The following MAGEB1 variants were observed in gnomAD, a reference collection of about 807,000 sequenced individuals.
MAGEB1 encodes melanoma-associated antigen B1.
For synonymous variants in MAGEB1, 99 were observed against 105.7 expected, an observed-to-expected ratio of 0.94 and a Z score of 0.39; for missense variants, 290 against 286.7, an observed-to-expected ratio of 1.01 and a Z score of -0.08.
chrX:30,250,295 C>T, intron 1 of MAGEB1, 139 bp from the exon 2 acceptor site: 1 of 415,860 alleles, frequency 2.4e-6, no homozygotes, highest in Non-Finnish European at 4.2e-6. Context: ...CCAGTCAGCC[C>T]CAGGCAGGGT....
At position 30,251,472 on chromosome X, in the gene MAGEB1, A is replaced by G. The variant is rs770925707; in HGVS notation, c.979A>G (p.Thr327Ala). 8.3e-7 allele frequency: 1 copy of G among 1,210,217 alleles called. No homozygotes were observed. The highest frequency in any genetic ancestry group is 1.7e-5 in the African/African-American group (1 of 57,177). Residue 327 changes from threonine (T) to alanine (A), a missense_variant, in exon 2 of 2, where the codon ACT becomes GCT. Coordinates refer to ENST00000397548, the MANE Select transcript of MAGEB1 (RefSeq NM_177404.3). ...VRSSVRARRR[T>A]TATTFRARSR... ...ATCCAGTGTTAGAGCCAGGCGTCGCACTACTGCCACGACTTTTAGAGCGCG... is the reference window on the plus strand; with the variant it reads ...ATCCAGTGTTAGAGCCAGGCGTCGCGCTACTGCCACGACTTTTAGAGCGCG...
chrX:30,250,107 G>T (rs1279522183), intron 1 of MAGEB1, among the ~76,000 whole-genome samples: 1 of 111,838 alleles, frequency 8.9e-6, no homozygotes, highest in East Asian at 2.8e-4. Context: ...AGGATGGTAG[G>T]TTGAAGCAGT....
At chrX:30,250,090 C>G (rs768496732) in intron 1 of MAGEB1, among the ~76,000 whole-genome samples, 1 of 111,643 alleles carries the variant, frequency 9.0e-6, no homozygotes, top group South Asian at 3.9e-4. Flanking sequence ...CCGCCCAGCC[C>G]CCGGTAAGGA....
At chrX:30,245,442 T>C (rs1258250831), upstream of MAGEB1, among the ~76,000 whole-genome samples, 1 of 112,090 alleles carries the variant, frequency 8.9e-6, no homozygotes, top group East Asian at 2.8e-4. Context: ...TTCACAGATG[T>C]AGAGCCTGAG....
Position 30,251,405 on chromosome X carries a change from T to A in MAGEB1, c.912T>A (p.Tyr304Ter), listed in dbSNP as rs952291857. 1.3e-5 allele frequency: 16 copies of A among 1,209,906 alleles called. No homozygotes were observed. The highest frequency in any genetic ancestry group is 1.8e-5 in the Non-Finnish European group (16 of 895,198). The change falls in exon 2 of 2, where the codon TAT becomes TAA. Residue 304 changes from tyrosine to a stop codon, truncating the protein, a stop_gained. Transcript: ENST00000397548. LOFTEE classifies it low-confidence loss of function (END_TRUNC). Reference sequence around the variant, plus strand: ...CTCCCCGTGACTTCCCATCCCATTATGAAGAGGCTTTGAGAGATGAGGAAG... The same window carrying A: ...CTCCCCGTGACTTCCCATCCCATTAAGAAGAGGCTTTGAGAGATGAGGAAG... ...GATPRDFPSHYEEALRDEEER... is the reference protein window; with the variant it reads ...GATPRDFPSH
chrX:30,247,895 G>C (rs1356074638), intron 1 of MAGEB1, among the ~76,000 whole-genome samples: 4 of 91,440 alleles, frequency 4.4e-5, no homozygotes, highest in Non-Finnish European at 8.3e-5. Flanking sequence ...AGTGAGCCGA[G>C]ATTGCACCAC....
At chrX:30,249,385 G>A (rs962326365) in intron 1 of MAGEB1, among the ~76,000 whole-genome samples, 3 of 111,770 alleles carry the variant, frequency 2.7e-5, no homozygotes, top group Non-Finnish European at 5.6e-5. Context: ...CACCTCATCA[G>A]TGGGGATCCC....
In MAGEB1 at chrX:30,250,971, G is replaced by C. The variant is rs745591739; in HGVS notation, c.478G>C (p.Val160Leu). The C allele has an allele frequency of 5.8e-6, 7 of 1,210,018 alleles. No homozygotes were observed. Among genetic ancestry groups the C allele is most frequent in the Admixed American group, 2.2e-5 (1 of 45,857 alleles). ...LNGASRRLEL[V>L]FGLDLKEDNP... ...TGGAGCCTCTCGCCGCTTGGAGCTC[G>C]TCTTTGGCCTTGATTTGAAGGAAGA... Residue 160 changes from valine to leucine, a missense_variant, in exon 2 of 2, where the codon GTC (valine) becomes CTC (leucine). By Grantham distance (32) the Val-to-Leu change is conservative. Transcript: ENST00000397548.
At position 30,250,450 on chromosome X, in the gene MAGEB1, C is replaced by T; in HGVS notation, c.-44C>T. ...CTCCTTCAGGTGCCACATCTCCTGC[C>T]TTTCTGCTCACTTTCCTGCCTGTTT... On this transcript the variant is annotated 5_prime_UTR_variant, in exon 2 of 2. Coordinates refer to ENST00000397548, the MANE Select transcript of MAGEB1 (RefSeq NM_177404.3). The T allele has an allele frequency of 9.2e-7, 1 of 1,083,539 alleles. No homozygotes were observed. Among genetic ancestry groups the T allele is most frequent in the Non-Finnish European group, 1.2e-6 (1 of 809,472 alleles). The allele number at this position is 1,083,539 out of a possible 1,213,427, so 89.3% of individuals were successfully genotyped here. A position where few individuals can be genotyped will look rare whatever the true frequency, so the allele number is the denominator to read the frequency against.
upstream of MAGEB1, among the ~76,000 whole-genome samples, chrX:30,245,974 G>A (rs181416173): frequency 7.1e-5 from 8 of 112,066 alleles, no homozygotes; most frequent in African/African-American, 2.6e-4. Flanking sequence ...TTCTGGGACA[G>A]GGACCTCTTC....
intron 1 of MAGEB1, among the ~76,000 whole-genome samples, chrX:30,248,267 A>G (rs1925396297): frequency 8.9e-6 from 1 of 111,958 alleles, no homozygotes; most frequent in African/African-American, 3.3e-5. Context: ...TCATAGTCTT[A>G]GAGAGAGGAG....
rs758519496 is a variant in MAGEB1 at position 30,251,522 on chromosome X, C to T, written c.1029C>T (p.Ser343=). The T allele has an allele frequency of 1.3e-4, 155 of 1,202,486 alleles. No individual in the cohort carries two copies. Among genetic ancestry groups the T allele is most frequent in the South Asian group, 2.2e-4 (12 of 55,282 alleles). ...RARSRAPFSR[S]SHPM ...GTTCTAGAGCCCCATTCAGCAGGTC[C>T]TCCCACCCCATGTGAGAACTCAGGC... The change falls in exon 2 of 2, where the codon TCC becomes TCT. Residue 343 remains serine, a synonymous_variant. Coordinates refer to ENST00000397548, the MANE Select transcript of MAGEB1 (RefSeq NM_177404.3).
chrX:30,243,783 C>T (rs1925221797), upstream of MAGEB1: 1 of 124,208 alleles, frequency 8.1e-6, no homozygotes, highest in African/African-American at 3.2e-5. Flanking sequence ...CAGTGTCTCC[C>T]ACTCCTTGTG....
chrX:30,249,194 C>A (rs1925423687), intron 1 of MAGEB1, among the ~76,000 whole-genome samples: 1 of 111,541 alleles, frequency 9.0e-6, no homozygotes. Flanking sequence ...CTAAAGAGAA[C>A]AACGACCCCA....
chrX:30,244,913 C>T (rs1925260365), upstream of MAGEB1, among the ~76,000 whole-genome samples: 1 of 112,003 alleles, frequency 8.9e-6, no homozygotes, highest in African/African-American at 3.3e-5. Context: ...AAAGGTGATA[C>T]TCCTTTAAGA....
Position 30,251,834 on chromosome X carries a change from A to G in MAGEB1, c.*297A>G, listed in dbSNP as rs1601969727. On this transcript the variant is annotated 3_prime_UTR_variant, in exon 2 of 2. Transcript: ENST00000397548. ...TTTTTGGGTTGAAGAAGAAGAAAGC[A>G]TAGCTTTAGAATAGAGATTTTCTCA... is the stretch of plus-strand genomic sequence containing the variant. 1.2e-5 allele frequency: 3 copies of G among 250,594 alleles called. No individual in the cohort carries two copies. In the East Asian group the frequency reaches 2.1e-4, roughly 17 times the overall value. 20.7% of individuals were successfully genotyped at this position (250,594 alleles called of 1,213,427 possible). A position where few individuals can be genotyped will look rare whatever the true frequency, so the allele number is the denominator to read the frequency against.
chrX:30,251,036 A>T lies in MAGEB1; in HGVS notation c.543A>T (p.Leu181=). 2 of 1,211,217 alleles carry T rather than the reference A, an allele frequency of 1.7e-6. No homozygotes were observed. The highest frequency in any genetic ancestry group is 2.2e-6 in the Non-Finnish European group (2 of 895,232). The change falls in exon 2 of 2, where the codon CTA becomes CTT. Residue 181 remains leucine (L), a synonymous_variant. Transcript: ENST00000397548. The part of the protein sequence containing the change: ...SGHTYTLVSK[L]NLTNDGNLSN... ...ACACCTACACCCTCGTCAGTAAGCTAAACCTCACCAATGATGGAAACCTGA... is the reference window on the plus strand; with the variant it reads ...ACACCTACACCCTCGTCAGTAAGCTTAACCTCACCAATGATGGAAACCTGA...
intron 1 of MAGEB1, among the ~76,000 whole-genome samples, chrX:30,248,410 C>CTTACCT (rs1925401169): frequency 1.8e-5 from 2 of 112,387 alleles, no homozygotes; most frequent in East Asian, 2.8e-4. Context: ...GGAACACAGT[C>CTTACCT]TTACCTTGGC....
chrX:30,247,162 T>G lies in MAGEB1; in HGVS notation c.-155T>G, dbSNP rs1381766810. On this transcript the variant is annotated 5_prime_UTR_variant, in exon 1 of 2. Transcript: ENST00000397548. ...ATGTGGCTCATCCTGACTTCCGCTT[T>G]GAAGGCGAGGACCCCAGCGAGCGTA... 39 of 109,491 alleles carry G rather than the reference T, an allele frequency of 3.6e-4. 1 individual carries two copies. The highest frequency in any genetic ancestry group is 1.3e-3 in the African/African-American group (38 of 29,893). The allele number at this position is 109,491 out of a possible 1,213,427, so 9.0% of individuals were successfully genotyped here.
Sources: gnomAD v4.1 joint callset for allele counts (sites outside exome capture counted in the v4.1 genomes callset) on GRCh38, gnomAD v4.1.1 for gene constraint, MANE v1.5 for transcripts, NCBI Gene and HGNC (gene_info 2026-07-23, HGNC 2026-07-21) for gene names.